TIMM9: variants seen among roughly 807,000 people sequenced by gnomAD.
TIMM9 encodes the protein mitochondrial import inner membrane translocase subunit Tim9.
A neutral mutation model predicts 13.4 loss-of-function variants in TIMM9; 10 were observed. The observed-to-expected ratio is 0.75, with a 90% CI of 0.46 to 1.26. The LOEUF is 1.26. Ranked by LOEUF, TIMM9 falls within the 50% of genes most tolerant of loss-of-function variation. TIMM9 has a pLI of 0.00. For missense variants in TIMM9, 87 were observed against 100.8 expected, an observed-to-expected ratio of 0.86 and a Z score of 0.58; for synonymous variants, 32 against 32.1, an observed-to-expected ratio of 1.00 and a Z score of 0.01.
chr14:58,425,162 G>C (rs995472015), intron 2 of TIMM9, among the ~76,000 whole-genome samples: 2 of 152,176 alleles, frequency 1.3e-5, no homozygotes, highest in African/African-American at 4.8e-5. Context: ...TGTAATCCCA[G>C]CACTTTGGGA....
rs372781100 is a variant in TIMM9 at position 58,418,713 on chromosome 14, GA to G, written c.-27+5294del. ...ACAATATCATTTACAATTACTCAAA[GA>G]AAAAAAAAGATTTAGGGGCAAATCT... is the stretch of plus-strand genomic sequence containing the variant. On this transcript the variant is annotated intron_variant, in intron 3 of 5. Transcript: ENST00000395159. Among the ~76,000 whole-genome samples, 115 of 150,550 alleles carry G rather than the reference GA, an allele frequency of 7.6e-4. 1 individual carries two copies. The East Asian group carries it at 0.011, about 14-fold the overall frequency.
chr14:58,409,150 A>C lies in TIMM9; in HGVS notation c.154T>G (p.Cys52Gly). 6.2e-7 allele frequency: 1 copy of C among 1,613,956 alleles called. No individual in the cohort carries two copies. The highest frequency in any genetic ancestry group is 8.5e-7 in the Non-Finnish European group (1 of 1,179,956). The change falls in exon 6 of 6, where the codon TGC becomes GGC. Residue 52 changes from cysteine to glycine, a missense_variant. Physicochemically the swap from Cys to Gly is radical, Grantham distance 159. Transcript: ENST00000395159. ...GTCATTTTTAAATATTTCTGTAAGC[A>C]ATGTTCTGAACAGGTGGTCTAGGAA... ...KPEETTCSEHCLQKYLKMTQR... is the reference protein window; with the variant it reads ...KPEETTCSEHGLQKYLKMTQR...
rs189690853 is a variant in TIMM9, at chr14:58,416,091, G to A, written c.-26-4120C>T. On this transcript the variant is annotated intron_variant, in intron 3 of 5. Transcript: ENST00000395159. ...AAAAATACAAAAAGCAGCTGGCCGT[G>A]GTGGCACACACCTGTAATCCCAGCT... Among the ~76,000 whole-genome samples the A allele has an allele frequency of 1.8e-4, 28 of 151,846 alleles. 1 individual carries two copies. The East Asian group carries it at 5.2e-3, about 28-fold the overall frequency.
At chr14:58,418,375 A>G (rs1009518022) in intron 3 of TIMM9, among the ~76,000 whole-genome samples, 2 of 152,224 alleles carry the variant, frequency 1.3e-5, no homozygotes, top group Non-Finnish European at 1.5e-5. Flanking sequence ...GCAAAAGATA[A>G]TACTTTCCCA....
chr14:58,412,957 T>C (rs368260743), intron 3 of TIMM9, among the ~76,000 whole-genome samples: 2 of 152,076 alleles, frequency 1.3e-5, no homozygotes, highest in South Asian at 4.2e-4. Context: ...CAAGAGATTT[T>C]TGCTGTTTTC....
At chr14:58,417,278 G>A (rs1433290003) in intron 3 of TIMM9, among the ~76,000 whole-genome samples, 2 of 151,490 alleles carry the variant, frequency 1.3e-5, no homozygotes, top group Non-Finnish European at 2.9e-5. Context: ...CTAATACACT[G>A]GGCAACATAG....
intron 3 of TIMM9, among the ~76,000 whole-genome samples, chr14:58,422,044 T>G (rs1363336372): frequency 6.6e-6 from 1 of 151,660 alleles, no homozygotes; most frequent in African/African-American, 2.4e-5. Flanking sequence ...TCCATCCTTG[T>G]ATTTCTTTGG....
intron 3 of TIMM9, among the ~76,000 whole-genome samples, chr14:58,416,522 C>T (rs2036414082): frequency 6.6e-6 from 1 of 152,116 alleles, no homozygotes; most frequent in Admixed American, 6.5e-5. Flanking sequence ...ACCAGCATAG[C>T]TACCTAAAAT....
intron 3 of TIMM9, among the ~76,000 whole-genome samples, chr14:58,422,416 G>A (rs1159608362): frequency 1.3e-5 from 2 of 151,954 alleles, no homozygotes; most frequent in Admixed American, 1.3e-4. Context: ...GTGCCCAGTC[G>A]AAAGTATGAA....
intron 3 of TIMM9, among the ~76,000 whole-genome samples, chr14:58,420,738 A>G (rs921952708): frequency 6.9e-6 from 1 of 144,154 alleles, no homozygotes; most frequent in Admixed American, 7.3e-5. Flanking sequence ...GGTTGCAGTG[A>G]GCCGGGATCA....
At chr14:58,420,142 A>G (rs1466807022) in intron 3 of TIMM9, among the ~76,000 whole-genome samples, 2 of 152,158 alleles carry the variant, frequency 1.3e-5, no homozygotes, top group Non-Finnish European at 2.9e-5. Flanking sequence ...AGGGCTAGGC[A>G]AAGAGTTCTT....
At chr14:58,410,974 T>G (rs1321378932) in intron 4 of TIMM9, 36 bp from the exon 5 acceptor site, 1 of 1,482,314 alleles carries the variant, frequency 6.7e-7, no homozygotes, top group African/African-American at 1.4e-5. Context: ...AGTATTTGGT[T>G]TTTAAAACAA....
At chr14:58,411,098 AG>A (rs1400721575) in intron 4 of TIMM9, among the ~76,000 whole-genome samples, 160 bp from the exon 5 acceptor site, 2 of 152,196 alleles carry the variant, frequency 1.3e-5, no homozygotes, top group African/African-American at 4.8e-5. Flanking sequence ...TCTACAGAAT[AG>A]TTTTATTTTC....
At chr14:58,409,688 C>T (rs1429793912) in intron 5 of TIMM9, among the ~76,000 whole-genome samples, 1 of 152,078 alleles carries the variant, frequency 6.6e-6, no homozygotes, top group East Asian at 1.9e-4. Context: ...ACGCCATTCT[C>T]CTGCCTCAGC....
intron 2 of TIMM9, among the ~76,000 whole-genome samples, chr14:58,424,362 G>A (rs1386060797): frequency 6.6e-6 from 1 of 152,084 alleles, no homozygotes; most frequent in African/African-American, 2.4e-5. Flanking sequence ...AATTCTGGGA[G>A]GGATGGTTCA....
At chr14:58,424,570 A>G (rs193244098) in intron 2 of TIMM9, among the ~76,000 whole-genome samples, 229 of 152,332 alleles carry the variant, frequency 1.5e-3, no homozygotes, top group African/African-American at 5.1e-3. Context: ...AAATAGCCAA[A>G]TATATGTTAT....
chr14:58,416,100 C>T (rs531240568), intron 3 of TIMM9, among the ~76,000 whole-genome samples: 1 of 150,986 alleles, frequency 6.6e-6, no homozygotes, highest in South Asian at 2.1e-4. Flanking sequence ...TGGTGGCACA[C>T]ACCTGTAATC....
intron 5 of TIMM9, among the ~76,000 whole-genome samples, chr14:58,409,764 G>A (rs2036152092): frequency 6.6e-6 from 1 of 151,742 alleles, no homozygotes; most frequent in South Asian, 2.1e-4. Context: ...ATTTTTAGTA[G>A]AGACGGGGTT....
chr14:58,415,597 G>C (rs1306306399), intron 3 of TIMM9, among the ~76,000 whole-genome samples: 1 of 152,148 alleles, frequency 6.6e-6, no homozygotes, highest in Non-Finnish European at 1.5e-5. Flanking sequence ...ATCAATAGGA[G>C]AATGGAGGGG....
Sources: allele counts gnomAD v4.1 joint callset (sites outside exome capture counted in the v4.1 genomes callset), GRCh38; gene constraint gnomAD v4.1.1; transcripts MANE v1.5; gene names NCBI Gene and HGNC (gene_info 2026-07-23, HGNC 2026-07-21).